Variants in ZNF717 observed in about 807,000 individuals in gnomAD.
The protein encoded by ZNF717 is zinc finger protein 717, also known as krueppel-like factor X17.
Under a neutral mutation model 13.8 loss-of-function variants are expected in ZNF717, and 9 were observed. The ratio of observed to expected loss-of-function variants is 0.65; its 90% confidence interval spans 0.39 to 1.14. ZNF717 has a LOEUF of 1.14. Among genes scored for constraint, ZNF717 ranks in the 50% most tolerant of loss-of-function variants. The pLI is 0.01. For missense variants in ZNF717, 1,040 were observed against 1,080.7 expected (o/e 0.96, Z 0.53); for synonymous variants, 327 against 364.1 (o/e 0.90, Z 1.16).
At chr3:75,742,553 A>T (rs1940613829) in intron 2 of ZNF717, among the ~76,000 whole-genome samples, 1 of 45,134 alleles carries the variant, frequency 2.2e-5, no homozygotes, top group Admixed American at 2.6e-4. Flanking sequence ...ATGAACCATG[A>T]ATTCTCTGAC....
chr3:75,767,218 C>T (rs1943543308), intron 2 of ZNF717, among the ~76,000 whole-genome samples: 1 of 152,216 alleles, frequency 6.6e-6, no homozygotes, highest in South Asian at 2.1e-4. Flanking sequence ...CATTGACAGC[C>T]CCCACTGAGC....
chr3:75,736,603 G>C lies in ZNF717; in HGVS notation c.*275C>G, dbSNP rs1939249394. 4 of 439,692 alleles carry C rather than the reference G, an allele frequency of 9.1e-6. No homozygotes were observed. Among genetic ancestry groups the C allele is most frequent in the African/African-American group, 8.0e-5 (4 of 50,296 alleles). The allele number at this position is 439,692 out of a possible 1,614,324, so 27.2% of individuals were successfully genotyped here. A position where few individuals can be genotyped will look rare whatever the true frequency, so the allele number is the denominator to read the frequency against. ...TAACTCTCTTCAATTCTATGGAGGA[G>C]AAGAGAGGTGAGGAAGTTGCAGAAG... is the stretch of plus-strand genomic sequence containing the variant. On this transcript the variant is annotated 3_prime_UTR_variant, in exon 5 of 5. Coordinates refer to ENST00000652011, the MANE Select transcript of ZNF717 (RefSeq NM_001290208.3).
intron 2 of ZNF717, among the ~76,000 whole-genome samples, chr3:75,779,495 T>A (rs557254364): frequency 6.9e-6 from 1 of 145,384 alleles, no homozygotes; most frequent in Non-Finnish European, 1.5e-5. Flanking sequence ...CCCAAAACAA[T>A]GGGAGTGACG....
At chr3:75,731,400 A>G (rs565509645), downstream of ZNF717, among the ~76,000 whole-genome samples, 2,068 of 152,148 alleles carry the variant, frequency 0.014, 27 homozygotes, top group African/African-American at 0.046. Context: ...TAAAATAATA[A>G]TAATACAAAA....
chr3:75,733,126 A>G (rs1272071217), downstream of ZNF717, among the ~76,000 whole-genome samples: 32 of 152,228 alleles, frequency 2.1e-4, no homozygotes, highest in Non-Finnish European at 4.3e-4. Flanking sequence ...ATTGAACACA[A>G]CAAAGGAAAG....
At chr3:75,722,175 A>G (rs78416841) in intron 4 of ZNF717, among the ~76,000 whole-genome samples, 1 of 151,882 alleles carries the variant, frequency 6.6e-6, no homozygotes, top group African/African-American at 2.4e-5. Context: ...CCAGAGAATC[A>G]CTTGAACCAA....
At chr3:75,760,618 A>T (rs1251371731) in intron 2 of ZNF717, among the ~76,000 whole-genome samples, 4 of 152,160 alleles carry the variant, frequency 2.6e-5, no homozygotes, top group Non-Finnish European at 5.9e-5. Context: ...GCTAAAGGGA[A>T]GCTTACAGCT....
chr3:75,734,096 G>GTC (rs1938860062), downstream of ZNF717, among the ~76,000 whole-genome samples: 1 of 152,108 alleles, frequency 6.6e-6, no homozygotes, highest in Non-Finnish European at 1.5e-5. Flanking sequence ...TTGAGACAGA[G>GTC]TCTCTCTCTG....
intron 2 of ZNF717, among the ~76,000 whole-genome samples, chr3:75,745,034 T>C (rs1471863984): frequency 6.6e-6 from 1 of 152,032 alleles, no homozygotes; most frequent in African/African-American, 2.4e-5. Flanking sequence ...TGTTTGTCCC[T>C]CACATATGGT....
chr3:75,777,490 A>C (rs1232124945), intron 2 of ZNF717, among the ~76,000 whole-genome samples: 1 of 152,156 alleles, frequency 6.6e-6, no homozygotes, highest in Non-Finnish European at 1.5e-5. Context: ...CTGGAACCCA[A>C]AACAATGGGA....
intron 2 of ZNF717, among the ~76,000 whole-genome samples, chr3:75,751,528 G>A (rs1270728866): frequency 7.9e-5 from 12 of 151,734 alleles, no homozygotes; most frequent in Non-Finnish European, 1.5e-4. Context: ...TAGGATTCCA[G>A]AACACTGCTG....
Position 75,696,409 on chromosome 3 carries a change from G to T in ZNF717, n.1085+14778C>A, listed in dbSNP as rs1937603689. The stretch of plus-strand genomic sequence containing the variant: ...TAGTATTACCCTGATATCAAAACCA[G>T]ACAGAGACACATTAAAAAAGCAAAC... On this transcript the variant is annotated intron_variant and non_coding_transcript_variant, in intron 6 of 6. Coordinates refer to the ZNF717 transcript ENST00000648506. Among the ~76,000 whole-genome samples, 5 of 152,364 alleles carry T rather than the reference G, an allele frequency of 3.3e-5. No individual in the cohort carries two copies. The South Asian group carries it at 1.0e-3, about 32-fold the overall frequency.
intron 2 of ZNF717, among the ~76,000 whole-genome samples, chr3:75,747,448 G>C (rs1941283825): frequency 1.3e-5 from 2 of 151,612 alleles, no homozygotes; most frequent in African/African-American, 2.4e-5. Flanking sequence ...AATTACCTTG[G>C]GCAGTATGGC....
chr3:75,733,704 G>A (rs1206280184), downstream of ZNF717, among the ~76,000 whole-genome samples: 8 of 140,752 alleles, frequency 5.7e-5, no homozygotes, highest in Admixed American at 3.8e-4. Flanking sequence ...GTATGAACCC[G>A]GGAGGCAGAG....
chr3:75,738,654 C>A lies in ZNF717; in HGVS notation c.969G>T (p.Lys323Asn). ...TTCTCTGATGGATAATGAGGCTGGACTTATAGCTGAACAATTTTTCACACC... is the reference window on the plus strand; with the variant it reads ...TTCTCTGATGGATAATGAGGCTGGAATTATAGCTGAACAATTTTTCACACC... Reference protein sequence around the residue: ...CNWCEKLFSYKSSLIIHQRIH... With the variant: ...CNWCEKLFSYNSSLIIHQRIH... The change falls in exon 5 of 5, where the codon AAG (lysine) becomes AAT (asparagine). Residue 323 changes from lysine (K) to asparagine (N), a missense_variant. By Grantham distance (94) the Lys-to-Asn change is moderately conservative. Coordinates refer to ENST00000652011, the MANE Select transcript of ZNF717 (RefSeq NM_001290208.3). 1.9e-6 allele frequency: 3 copies of A among 1,552,496 alleles called. No homozygotes were observed. Among genetic ancestry groups the A allele is most frequent in the Non-Finnish European group, 2.6e-6 (3 of 1,147,580 alleles).
chr3:75,763,946 G>A (rs947340604), intron 2 of ZNF717, among the ~76,000 whole-genome samples: 1 of 152,150 alleles, frequency 6.6e-6, no homozygotes, highest in African/African-American at 2.4e-5. Flanking sequence ...AAGTCAGTAG[G>A]GTGAAAACAA....
At chr3:75,753,532 C>G (rs1942139210) in intron 2 of ZNF717, among the ~76,000 whole-genome samples, 2 of 148,870 alleles carry the variant, frequency 1.3e-5, no homozygotes, top group Non-Finnish European at 3.0e-5. Context: ...AATACTGCTG[C>G]TGGGTTTTGA....
chr3:75,779,835 CA>C (rs1383462891), intron 2 of ZNF717, among the ~76,000 whole-genome samples: 7 of 150,920 alleles, frequency 4.6e-5, no homozygotes, highest in African/African-American at 1.7e-4. Flanking sequence ...ACCAGAAACC[CA>C]AAACAATGGG....
intron 2 of ZNF717, among the ~76,000 whole-genome samples, chr3:75,756,670 C>CT (rs112007810): frequency 0.03 from 4,463 of 148,820 alleles, 83 homozygotes; most frequent in African/African-American, 0.086. Flanking sequence ...TCTCCTTTTT[C>CT]TTTTTTTTTT....
Sources: allele counts gnomAD v4.1 joint callset (sites outside exome capture counted in the v4.1 genomes callset), GRCh38; gene constraint gnomAD v4.1.1; transcripts MANE v1.5; gene names NCBI Gene and HGNC (gene_info 2026-07-23, HGNC 2026-07-21).